Variants in TCEAL3 observed in about 807,000 individuals in gnomAD.
TCEAL3 encodes the protein transcription elongation factor A protein-like 3.
For missense variants in TCEAL3, 99 were observed against 156.4 expected, an observed-to-expected ratio of 0.63 and a Z score of 1.96; for synonymous variants, 41 against 60.2, an observed-to-expected ratio of 0.68 and a Z score of 1.48.
chrX:103,609,386 C>G lies in TCEAL3; in HGVS notation c.322C>G (p.Arg108Gly). The G allele has an allele frequency of 8.3e-7, 1 of 1,211,592 alleles. No homozygotes were observed. The highest frequency in any genetic ancestry group is 1.1e-6 in the Non-Finnish European group (1 of 895,503). Residue 108 changes from arginine to glycine, a missense_variant, in exon 3 of 3, where the codon CGG becomes GGG. Physicochemically the swap from Arg to Gly is moderately radical, Grantham distance 125. Transcript: ENST00000372627. ...EKRPAEDYVP[R>G]KAKRKTDRGT... ...GCGCCCGGCTGAAGATTATGTGCCCCGGAAAGCAAAAAGAAAAACGGACAG... is the reference window on the plus strand; with the variant it reads ...GCGCCCGGCTGAAGATTATGTGCCCGGGAAAGCAAAAAGAAAAACGGACAG...
chrX:103,608,990 T>C (rs1039818082), intron 2 of TCEAL3, 48 bp from the exon 3 acceptor site: 4 of 1,151,953 alleles, frequency 3.5e-6, no homozygotes, highest in Non-Finnish European at 4.6e-6. Context: ...GCCCTCAGTC[T>C]CCCATGTCTC....
At chrX:103,608,527 G>T (rs1569395991) in intron 1 of TCEAL3, 77 bp from the exon 2 acceptor site, 2 of 309,778 alleles carry the variant, frequency 6.5e-6, no homozygotes, top group East Asian at 1.7e-4. Context: ...GCAGGGCCTG[G>T]ACTCAGGAAA....
At chrX:103,608,543 C>CTCAG (rs1295240475) in intron 1 of TCEAL3, 61 bp from the exon 2 acceptor site, 6 of 354,973 alleles carry the variant, frequency 1.7e-5, no homozygotes, top group Non-Finnish European at 1.8e-5. Flanking sequence ...GGAAAGGGAA[C>CTCAG]CGAGTCCCTG....
chrX:103,608,787 A>G, intron 2 of TCEAL3, 114 bp downstream of exon 2: 1 of 468,876 alleles, frequency 2.1e-6, no homozygotes, highest in South Asian at 4.4e-5. Context: ...CACTCACATG[A>G]ACACACACCT....
In TCEAL3 at chrX:103,609,885, TA is replaced by T; in HGVS notation, c.*225del. The T allele has an allele frequency of 2.4e-6, 1 of 420,222 alleles. No homozygotes were observed. The highest frequency in any genetic ancestry group is 2.5e-5 in the African/African-American group (1 of 40,732). 34.6% of individuals were successfully genotyped at this position (420,222 alleles called of 1,213,427 possible). On this transcript the variant is annotated 3_prime_UTR_variant, in exon 3 of 3. Transcript: ENST00000372627. ...TGGAAAAGATGTTCATGGTACATTGTAAAAAAATAAAATTAAAATTAAAAAA... is the reference window on the plus strand; with the variant it reads ...TGGAAAAGATGTTCATGGTACATTGTAAAAAATAAAATTAAAATTAAAAAA...
In TCEAL3 at chrX:103,609,426, C is replaced by T; in HGVS notation, c.362C>T (p.Ser121Phe). 8.3e-7 allele frequency: 1 copy of T among 1,211,850 alleles called. No homozygotes were observed. The highest frequency in any genetic ancestry group is 1.8e-5 in the South Asian group (1 of 56,988). The change falls in exon 3 of 3, where the codon TCC (serine) becomes TTC (phenylalanine). Residue 121 changes from serine to phenylalanine, a missense_variant. Ser to Phe is a radical substitution (Grantham distance 155). Transcript: ENST00000372627. The part of the protein sequence containing the change: ...KRKTDRGTDD[S>F]PKDSQEDLQE... Reference sequence around the variant, plus strand: ...AAAACGGACAGGGGGACGGACGATTCCCCCAAGGACTCTCAGGAGGACTTA... The same window carrying T: ...AAAACGGACAGGGGGACGGACGATTTCCCCAAGGACTCTCAGGAGGACTTA...
intron 2 of TCEAL3, 64 bp from the exon 3 acceptor site, chrX:103,608,974 C>T (rs1297649493): frequency 1.9e-5 from 22 of 1,141,855 alleles, no homozygotes; most frequent in African/African-American, 7.3e-5. Flanking sequence ...CTGCATTCCA[C>T]CCCATGCCCT....
chrX:103,608,549 C>G (rs1282651149), intron 1 of TCEAL3, 55 bp from the exon 2 acceptor site: 6 of 371,515 alleles, frequency 1.6e-5, no homozygotes, highest in Non-Finnish European at 2.6e-5. Flanking sequence ...GGAACCGAGT[C>G]CCTGTGAGAC....
At position 103,609,710 on chromosome X, in the gene TCEAL3, C is replaced by T. The variant is rs878863607; in HGVS notation, c.*43C>T. ...TCTGATTTCTCTGATGAGAATATTG[C>T]TGGCCCTGCTTTCCCTGGTAGGTAT... is the stretch of plus-strand genomic sequence containing the variant. On this transcript the variant is annotated 3_prime_UTR_variant, in exon 3 of 3. Coordinates refer to ENST00000372627, the MANE Select transcript of TCEAL3 (RefSeq NM_032926.3). 4 of 1,184,764 alleles carry T rather than the reference C, an allele frequency of 3.4e-6. No individual in the cohort carries two copies. Among genetic ancestry groups the T allele is most frequent in the Non-Finnish European group, 4.5e-6 (4 of 879,869 alleles).
Position 103,609,877 on chromosome X carries a change from G to A in TCEAL3, c.*210G>A, listed in dbSNP as rs191651157. 4.6e-6 allele frequency: 2 copies of A among 437,320 alleles called. No individual in the cohort carries two copies. The highest frequency in any genetic ancestry group is 8.3e-5 in the South Asian group (1 of 12,062). 36.0% of individuals were successfully genotyped at this position (437,320 alleles called of 1,213,427 possible). ...CATGTGCATGGAAAAGATGTTCATGGTACATTGTAAAAAAATAAAATTAAA... is the reference window on the plus strand; with the variant it reads ...CATGTGCATGGAAAAGATGTTCATGATACATTGTAAAAAAATAAAATTAAA... On this transcript the variant is annotated 3_prime_UTR_variant, in exon 3 of 3. Coordinates refer to ENST00000372627, the MANE Select transcript of TCEAL3 (RefSeq NM_032926.3).
intron 2 of TCEAL3, 41 bp downstream of exon 2, chrX:103,608,714 C>T (rs1457340188): frequency 2.0e-6 from 1 of 497,025 alleles, no homozygotes; most frequent in Non-Finnish European, 3.3e-6. Flanking sequence ...TGGACAGGGC[C>T]CTATAAGGGT....
rs2073649850 is a variant in TCEAL3, at chrX:103,609,883, T to C, written c.*216T>C. The C allele has an allele frequency of 7.0e-6, 3 of 428,672 alleles. No homozygotes were observed. The South Asian group carries it at 2.5e-4, about 36-fold the overall frequency. 35.3% of individuals were successfully genotyped at this position (428,672 alleles called of 1,213,427 possible). On this transcript the variant is annotated 3_prime_UTR_variant, in exon 3 of 3. Coordinates refer to ENST00000372627, the MANE Select transcript of TCEAL3 (RefSeq NM_032926.3). ...CATGGAAAAGATGTTCATGGTACAT[T>C]GTAAAAAAATAAAATTAAAATTAAA...
In TCEAL3 at chrX:103,608,808, A is replaced by C. The variant is rs2073641748; in HGVS notation, c.-28+135A>C. 3 of 501,716 alleles carry C rather than the reference A, an allele frequency of 6.0e-6. No individual in the cohort carries two copies. In the East Asian group the frequency reaches 1.1e-4, roughly 19 times the overall value. 41.3% of individuals were successfully genotyped at this position (501,716 alleles called of 1,213,427 possible). ...CATGAACACACACCTTACCAGGCTG[A>C]ACCAGTGCAGAGAAGGTGGCAGGGA... On this transcript the variant is annotated intron_variant, in intron 2 of 2. Coordinates refer to ENST00000372627, the MANE Select transcript of TCEAL3 (RefSeq NM_032926.3).
rs748712099 is a variant in TCEAL3, at chrX:103,609,221, G to A, written c.157G>A (p.Glu53Lys). 1 of 1,211,692 alleles carries A rather than the reference G, an allele frequency of 8.3e-7. No individual in the cohort carries two copies. Among genetic ancestry groups the A allele is most frequent in the Non-Finnish European group, 1.1e-6 (1 of 895,491 alleles). The change falls in exon 3 of 3, where the codon GAG becomes AAG. Residue 53 changes from glutamate (E) to lysine (K), a missense_variant. Transcript: ENST00000372627. ...ECEGKREDEG[E>K]PGDEGQLEDE... Reference sequence around the variant, plus strand: ...CGAGGGAAAGAGAGAGGATGAGGGAGAGCCAGGTGATGAGGGACAACTGGA... The same window carrying A: ...CGAGGGAAAGAGAGAGGATGAGGGAAAGCCAGGTGATGAGGGACAACTGGA...
rs147820612 is a variant in TCEAL3, at chrX:103,609,792, G to C, written c.*125G>C. 6.5e-3 allele frequency: 6,241 copies of C among 955,776 alleles called. 115 individuals carry two copies. Among genetic ancestry groups the C allele is most frequent in the African/African-American group, 0.065 (3,278 of 50,585 alleles). The allele number at this position is 955,776 out of a possible 1,213,427, so 78.8% of individuals were successfully genotyped here. On this transcript the variant is annotated 3_prime_UTR_variant, in exon 3 of 3. Transcript: ENST00000372627. Reference sequence around the variant, plus strand: ...ATACTTTGCTTTAGATGTCAGTCTCGTTACCAGCAGCCTTTTGACCCAACT... The same window carrying C: ...ATACTTTGCTTTAGATGTCAGTCTCCTTACCAGCAGCCTTTTGACCCAACT...
At chrX:103,608,777 C>A in intron 2 of TCEAL3, 104 bp downstream of exon 2, 1 of 455,209 alleles carries the variant, frequency 2.2e-6, no homozygotes, top group Non-Finnish European at 3.6e-6. Context: ...GCCCATCCCC[C>A]ACTCACATGA....
At chrX:103,608,909 C>T in intron 2 of TCEAL3, 129 bp from the exon 3 acceptor site, 2 of 958,934 alleles carry the variant, frequency 2.1e-6, no homozygotes, top group Non-Finnish European at 1.4e-6. Flanking sequence ...CTCTTGGGGG[C>T]CCTGCCAGCT....
chrX:103,608,713 C>T (rs2073641275), intron 2 of TCEAL3, 40 bp downstream of exon 2: 1 of 500,342 alleles, frequency 2.0e-6, no homozygotes, highest in South Asian at 3.3e-5. Flanking sequence ...ATGGACAGGG[C>T]CCTATAAGGG....
In TCEAL3 at chrX:103,609,170, C is replaced by A. The variant is rs762586179; in HGVS notation, c.106C>A (p.Pro36Thr). 1 of 1,211,327 alleles carries A rather than the reference C, an allele frequency of 8.3e-7. No homozygotes were observed. Among genetic ancestry groups the A allele is most frequent in the Admixed American group, 2.2e-5 (1 of 46,039 alleles). ...AGGAAAGTCAGACGAGGAAGAAAAG[C>A]CAGACGTGGAGGGGAAGACAGAATG... ...DEGKSDEEEK[P>T]DVEGKTECEG... The change falls in exon 3 of 3, where the codon CCA (proline) becomes ACA (threonine). Residue 36 changes from proline (P) to threonine (T), a missense_variant. Pro to Thr is a conservative substitution (Grantham distance 38, BLOSUM62 -1). Coordinates refer to ENST00000372627, the MANE Select transcript of TCEAL3 (RefSeq NM_032926.3).
Sources: gnomAD v4.1 joint callset for allele counts on GRCh38, gnomAD v4.1.1 for gene constraint, MANE v1.5 for transcripts, NCBI Gene and HGNC (gene_info 2026-07-23, HGNC 2026-07-21) for gene names.